SAE1: variants seen among roughly 807,000 people sequenced by gnomAD.
SAE1 encodes the protein SUMO-activating enzyme subunit 1.
A neutral mutation model predicts 40.6 loss-of-function variants in SAE1; 11 were observed. The ratio of observed to expected loss-of-function variants is 0.27; its 90% CI spans 0.17 to 0.45. SAE1 has a LOEUF of 0.45. Among genes scored for constraint, SAE1 ranks in the 20% least tolerant of loss-of-function variants. The pLI, the probability that SAE1 is intolerant of heterozygous loss-of-function variation, is 1.00. For missense variants in SAE1, 373 were observed against 427.3 expected (o/e 0.87, Z 1.12); for synonymous variants, 155 against 154.3 (o/e 1.00, Z -0.03).
At chr19:47,181,675 C>T (rs1482944192) in intron 6 of SAE1, among the ~76,000 whole-genome samples, 15 of 150,376 alleles carry the variant, frequency 1.0e-4, no homozygotes, top group African/African-American at 2.7e-4. Flanking sequence ...GATGGGGTTT[C>T]GCCATGTTAG....
chr19:47,172,321 C>CCTCTTGA (rs1568598964), intron 6 of SAE1, among the ~76,000 whole-genome samples: 1 of 152,190 alleles, frequency 6.6e-6, no homozygotes, highest in Non-Finnish European at 1.5e-5. Flanking sequence ...GAAAATGCCT[C>CCTCTTGA]CTCTTGATAG....
chr19:47,199,445 C>T (rs1356770992), intron 7 of SAE1, among the ~76,000 whole-genome samples: 1 of 148,682 alleles, frequency 6.7e-6, no homozygotes, highest in Non-Finnish European at 1.5e-5. Context: ...CCTGAGCACA[C>T]GAGACTGAGA....
chr19:47,140,623 CA>C (rs202068723), intron 1 of SAE1, among the ~76,000 whole-genome samples: 97 of 119,062 alleles, frequency 8.1e-4, no homozygotes, highest in Admixed American at 1.0e-3. Flanking sequence ...CCTGTGTCTA[CA>C]AAAAAAAAAA....
At chr19:47,165,946 C>G (rs1178833905) in intron 5 of SAE1, among the ~76,000 whole-genome samples, 1 of 152,192 alleles carries the variant, frequency 6.6e-6, no homozygotes, top group Admixed American at 6.5e-5. Context: ...TTCACATTTT[C>G]AGTTCCCAGG....
chr19:47,185,614 T>A (rs1600199156), intron 6 of SAE1, among the ~76,000 whole-genome samples: 1 of 150,796 alleles, frequency 6.6e-6, no homozygotes, highest in South Asian at 2.1e-4. Flanking sequence ...CTATTTTTGT[T>A]TTTTTGAGAC....
intron 6 of SAE1, among the ~76,000 whole-genome samples, chr19:47,188,915 A>G (rs1305447673): frequency 6.6e-6 from 1 of 152,140 alleles, no homozygotes; most frequent in Admixed American, 6.6e-5. Context: ...TCACTTGACA[A>G]GGCACCTCAT....
chr19:47,133,270 T>G (rs1245768795), intron 1 of SAE1, among the ~76,000 whole-genome samples: 2 of 152,286 alleles, frequency 1.3e-5, no homozygotes, highest in East Asian at 3.9e-4. Context: ...CAGGCTGGAG[T>G]GCAATGGCAC....
chr19:47,137,729 T>G (rs1302142962), intron 1 of SAE1, among the ~76,000 whole-genome samples: 4 of 109,142 alleles, frequency 3.7e-5, no homozygotes, highest in East Asian at 3.9e-4. Context: ...GTGTGTGTGT[T>G]GTTTTTTTTT....
At chr19:47,140,788 C>T (rs1298106540) in intron 1 of SAE1, among the ~76,000 whole-genome samples, 1 of 151,942 alleles carries the variant, frequency 6.6e-6, no homozygotes, top group East Asian at 1.9e-4. Context: ...AGAATGAGAC[C>T]CTGTTTCAAT....
At chr19:47,175,535 G>A (rs1294798939) in intron 6 of SAE1, among the ~76,000 whole-genome samples, 3 of 152,034 alleles carry the variant, frequency 2.0e-5, no homozygotes, top group Non-Finnish European at 2.9e-5. Flanking sequence ...TCAGGAGTTC[G>A]AGGGCAGCCT....
chr19:47,186,002 G>A (rs2058542111), intron 6 of SAE1, among the ~76,000 whole-genome samples: 1 of 151,734 alleles, frequency 6.6e-6, no homozygotes, highest in Non-Finnish European at 1.5e-5. Flanking sequence ...CACTTTGGGA[G>A]GCCTAGGTGG....
chr19:47,209,471 G>A lies in SAE1; in HGVS notation c.*220G>A. ...GGGTGGCTGTCTTTGTTCCAGCACTGTTCAGGCTGCCTGTCATCCCGGGCC... is the reference window on the plus strand; with the variant it reads ...GGGTGGCTGTCTTTGTTCCAGCACTATTCAGGCTGCCTGTCATCCCGGGCC... On this transcript the variant is annotated 3_prime_UTR_variant, in exon 9 of 9. Coordinates refer to ENST00000270225, the MANE Select transcript of SAE1 (RefSeq NM_005500.3). 1 of 712,976 alleles carries A rather than the reference G, an allele frequency of 1.4e-6. No homozygotes were observed. The allele number at this position is 712,976 out of a possible 1,614,324, so 44.2% of individuals were successfully genotyped here.
At chr19:47,203,294 C>T (rs1383553128) in intron 7 of SAE1, among the ~76,000 whole-genome samples, 2 of 152,106 alleles carry the variant, frequency 1.3e-5, no homozygotes, top group African/African-American at 4.8e-5. Flanking sequence ...CTGGGAATAG[C>T]ATATAGAACC....
At chr19:47,171,057 C>T (rs2058428462) in intron 6 of SAE1, among the ~76,000 whole-genome samples, 1 of 152,018 alleles carries the variant, frequency 6.6e-6, no homozygotes, top group African/African-American at 2.4e-5. Flanking sequence ...TCACTGTAAC[C>T]TCTGCCTCCT....
At chr19:47,166,956 ACTT>A (rs2058397148) in intron 5 of SAE1, among the ~76,000 whole-genome samples, 1 of 151,702 alleles carries the variant, frequency 6.6e-6, no homozygotes, top group Non-Finnish European at 1.5e-5. Flanking sequence ...AGCAATTTGA[ACTT>A]TTTTTTTTTT....
intron 5 of SAE1, among the ~76,000 whole-genome samples, chr19:47,157,755 T>C (rs1322832918): frequency 3.3e-5 from 5 of 152,184 alleles, no homozygotes; most frequent in African/African-American, 1.2e-4. Context: ...GCTGACATTG[T>C]TAGTCAGCTG....
intron 6 of SAE1, among the ~76,000 whole-genome samples, chr19:47,190,200 T>C (rs933262543): frequency 1.3e-5 from 2 of 152,204 alleles, no homozygotes; most frequent in African/African-American, 4.8e-5. Flanking sequence ...GGAACTCTAA[T>C]TTTGTGCAGT....
chr19:47,196,346 T>G (rs2058615502), intron 6 of SAE1, among the ~76,000 whole-genome samples: 1 of 126,808 alleles, frequency 7.9e-6, no homozygotes, highest in Non-Finnish European at 1.7e-5. Flanking sequence ...TTTTTTTTTT[T>G]TTTTTTTTTT....
intron 6 of SAE1, among the ~76,000 whole-genome samples, chr19:47,184,275 A>G (rs2058528598): frequency 6.6e-6 from 1 of 152,186 alleles, no homozygotes; most frequent in South Asian, 2.1e-4. Context: ...AGGTGACACT[A>G]TAACGTAGAG....
Sources: allele counts gnomAD v4.1 joint callset (sites outside exome capture counted in the v4.1 genomes callset), GRCh38; gene constraint gnomAD v4.1.1; transcripts MANE v1.5; gene names NCBI Gene and HGNC (gene_info 2026-07-23, HGNC 2026-07-21).